Variants in SLC9B1 observed in about 807,000 individuals in gnomAD.
The protein encoded by SLC9B1 is solute carrier family 9 member B1.
Under a neutral mutation model 51.7 loss-of-function variants are expected in SLC9B1, and 32 were observed. The observed-to-expected ratio is 0.62, with a 90% CI of 0.47 to 0.83. SLC9B1 has a LOEUF of 0.83. Ranked by LOEUF, SLC9B1 falls within the 40% of genes least tolerant of loss-of-function variation. The probability of loss-of-function intolerance (pLI) is 0.00; values close to 1 mark genes in which losing one functional copy is unlikely to be tolerated. For missense variants in SLC9B1, 406 were observed against 613.2 expected, an observed-to-expected ratio of 0.66 and a Z score of 3.57; for synonymous variants, 145 against 212.7, an observed-to-expected ratio of 0.68 and a Z score of 2.77.
At chr4:102,977,252 G>A (rs967447238) in intron 3 of SLC9B1, among the ~76,000 whole-genome samples, 1 of 148,492 alleles carries the variant, frequency 6.7e-6, no homozygotes, top group Non-Finnish European at 1.5e-5. Flanking sequence ...AGTCAAAGAT[G>A]CTTATGAGCT....
chr4:102,932,994 T>C (rs940325994), intron 6 of SLC9B1, among the ~76,000 whole-genome samples: 1 of 152,182 alleles, frequency 6.6e-6, no homozygotes, highest in Non-Finnish European at 1.5e-5. Flanking sequence ...CCATGAGGAA[T>C]GGGGAGGCTC....
chr4:102,938,119 G>A (rs1736812663), intron 6 of SLC9B1, among the ~76,000 whole-genome samples: 2 of 152,110 alleles, frequency 1.3e-5, no homozygotes, highest in Admixed American at 1.3e-4. Flanking sequence ...TGTATCTGCT[G>A]TCAAGAGACC....
rs375091561 is a variant in SLC9B1, at chr4:102,948,325, T to TACACACACACAC, written c.382+920_382+931dup. On this transcript the variant is annotated intron_variant, in intron 4 of 11. Transcript: ENST00000296422. ...GTTATACCCGAATCAGGCAAAGCCA[T>TACACACACACAC]ACACACACACACACACACACACACA... 6.8e-3 allele frequency among the ~76,000 whole-genome samples: 871 copies of TACACACACACAC among 127,536 alleles called. 9 individuals are homozygous for TACACACACACAC. Among genetic ancestry groups the TACACACACACAC allele is most frequent in the African/African-American group, 0.01 (329 of 32,530 alleles). The allele number at this position is 127,536 out of a possible 152,430, so 83.7% of individuals were successfully genotyped here. A position where few individuals can be genotyped will look rare whatever the true frequency, so the allele number is the denominator to read the frequency against.
intron 3 of SLC9B1, among the ~76,000 whole-genome samples, chr4:102,979,854 G>A (rs1305782694): frequency 6.6e-6 from 1 of 151,932 alleles, no homozygotes; most frequent in Non-Finnish European, 1.5e-5. Context: ...ATCTGATAAA[G>A]GTCTAATATC....
At chr4:102,920,521 C>A (rs1237622135) in intron 7 of SLC9B1, among the ~76,000 whole-genome samples, 3 of 152,176 alleles carry the variant, frequency 2.0e-5, no homozygotes, top group Non-Finnish European at 4.4e-5. Flanking sequence ...GATCGCAGCT[C>A]CTTGTCAGCA....
intron 6 of SLC9B1, among the ~76,000 whole-genome samples, chr4:102,932,585 C>G (rs1736513887): frequency 6.6e-6 from 1 of 152,128 alleles, no homozygotes; most frequent in Non-Finnish European, 1.5e-5. Context: ...AAATTCATAA[C>G]CTAACCAGAA....
At chr4:102,887,459 G>C in intron 11 of SLC9B1, 2 of 951,616 alleles carry the variant, frequency 2.1e-6, no homozygotes, top group Non-Finnish European at 3.3e-6. Flanking sequence ...CTCATTCTTT[G>C]TGTATAGAAA....
intron 3 of SLC9B1, among the ~76,000 whole-genome samples, chr4:102,978,920 T>C (rs1335801322): frequency 6.6e-6 from 1 of 152,218 alleles, no homozygotes; most frequent in African/African-American, 2.4e-5. Context: ...TAGTATTTAT[T>C]GATATGGTTA....
At chr4:102,972,321 C>A (rs1162901626) in intron 3 of SLC9B1, among the ~76,000 whole-genome samples, 1 of 152,218 alleles carries the variant, frequency 6.6e-6, no homozygotes, top group Non-Finnish European at 1.5e-5. Flanking sequence ...CCCTGGGATG[C>A]AAGCCTGGGT....
intron 6 of SLC9B1, among the ~76,000 whole-genome samples, chr4:102,943,091 A>C (rs1264230956): frequency 6.6e-6 from 1 of 151,862 alleles, no homozygotes; most frequent in Non-Finnish European, 1.5e-5. Context: ...AATATCACTA[A>C]TTATTAGGGA....
chr4:102,918,880 G>A (rs1735719836), intron 7 of SLC9B1, among the ~76,000 whole-genome samples: 1 of 152,060 alleles, frequency 6.6e-6, no homozygotes, highest in Non-Finnish European at 1.5e-5. Flanking sequence ...GACTTGAACA[G>A]ACATTTTTTC....
intron 1 of SLC9B1, among the ~76,000 whole-genome samples, chr4:103,001,521 A>G (rs1483779189): frequency 1.3e-5 from 2 of 152,212 alleles, no homozygotes. Context: ...CAGGGGCAAA[A>G]TGCCAGCAGT....
chr4:102,979,955 C>T (rs1044414231), intron 3 of SLC9B1, among the ~76,000 whole-genome samples: 4 of 152,016 alleles, frequency 2.6e-5, no homozygotes, highest in African/African-American at 7.3e-5. Context: ...AGACACTTCT[C>T]GAAAGAAGAC....
rs535251438 is a variant in SLC9B1 at position 102,986,196 on chromosome 4, T to C, written c.211+3604A>G. Among the ~76,000 whole-genome samples, 5 of 152,100 alleles carry C rather than the reference T, an allele frequency of 3.3e-5. No individual in the cohort carries two copies. The East Asian group carries it at 9.7e-4, about 29-fold the overall frequency. ...TTTTGTTTATCTGTGAAAGTCTTTG[T>C]TTCTCCTTCACTTTTCAAGGACAGT... is the stretch of plus-strand genomic sequence containing the variant. On this transcript the variant is annotated intron_variant, in intron 3 of 11. Transcript: ENST00000296422.
rs780867494 is a variant in SLC9B1 at position 102,946,685 on chromosome 4, T to C, written c.487A>G (p.Ile163Val). ...SSILRSIALT[I>V]ILIRAGLGLD... Reference sequence around the variant, plus strand: ...CCAAGCCCAGCTCTTATTAGAATAATGGTAAGGGCAATGCTTCTTAAAATT... The same window carrying C: ...CCAAGCCCAGCTCTTATTAGAATAACGGTAAGGGCAATGCTTCTTAAAATT... Residue 163 changes from isoleucine (I) to valine (V), a missense_variant, in exon 5 of 12, where the codon ATT becomes GTT. Ile to Val is a conservative substitution (Grantham distance 29). Coordinates refer to ENST00000296422, the MANE Select transcript of SLC9B1 (RefSeq NM_139173.4). 8.7e-6 allele frequency: 14 copies of C among 1,609,968 alleles called. No homozygotes were observed. Among genetic ancestry groups the C allele is most frequent in the Admixed American group, 3.4e-5 (2 of 59,512 alleles).
At chr4:102,955,889 G>GAAAGAA (rs746628257) in intron 3 of SLC9B1, among the ~76,000 whole-genome samples, 1 of 138,806 alleles carries the variant, frequency 7.2e-6, no homozygotes, top group Admixed American at 6.9e-5. Context: ...AAGAAAGAAA[G>GAAAGAA]AAAGAAAGAA....
At chr4:102,966,018 G>A (rs1738407162) in intron 3 of SLC9B1, among the ~76,000 whole-genome samples, 2 of 152,204 alleles carry the variant, frequency 1.3e-5, no homozygotes, top group South Asian at 2.1e-4. Flanking sequence ...AAAGCCTTGG[G>A]CAGCCCCACC....
chr4:103,009,838 C>T (rs1740998531), intron 1 of SLC9B1, among the ~76,000 whole-genome samples: 1 of 152,116 alleles, frequency 6.6e-6, no homozygotes, highest in South Asian at 2.1e-4. Flanking sequence ...CAGTATACAT[C>T]TTTCTGAACA....
chr4:102,909,668 C>T (rs905422949), intron 9 of SLC9B1, among the ~76,000 whole-genome samples: 13 of 152,052 alleles, frequency 8.5e-5, no homozygotes, highest in African/African-American at 2.9e-4. Context: ...AAAGTGGAAA[C>T]GATCTTAATG....
Sources: allele counts gnomAD v4.1 joint callset (sites outside exome capture counted in the v4.1 genomes callset), GRCh38; gene constraint gnomAD v4.1.1; transcripts MANE v1.5; gene names NCBI Gene and HGNC (gene_info 2026-07-23, HGNC 2026-07-21).